The following PCDH15 variants were observed in gnomAD, a reference collection of about 807,000 sequenced individuals.
The protein encoded by PCDH15 is protocadherin-15.
PCDH15 carries 129 observed loss-of-function variants against 178.5 expected under a neutral mutation model. The ratio of observed to expected loss-of-function variants is 0.72; its 90% confidence interval spans 0.63 to 0.84. The LOEUF is 0.84. Ranked by LOEUF, PCDH15 falls within the 40% of genes least tolerant of loss-of-function variation. The pLI, the probability that PCDH15 is intolerant of heterozygous loss-of-function variation, is 0.00. For missense variants in PCDH15, 2,230 were observed against 2,099.9 expected (o/e 1.06, Z -1.21); for synonymous variants, 800 against 732.0 (o/e 1.09, Z -1.50).
At chr10:53,846,351 T>C (rs1029975957) in intron 28 of PCDH15, among the ~76,000 whole-genome samples, 2 of 151,866 alleles carry the variant, frequency 1.3e-5, no homozygotes, top group Admixed American at 1.3e-4. Context: ...TATTTAATTA[T>C]GTCACCTTTA....
intron 3 of PCDH15, among the ~76,000 whole-genome samples, chr10:54,453,350 TG>T (rs1444575034): frequency 6.6e-6 from 1 of 152,130 alleles, no homozygotes; most frequent in Admixed American, 6.6e-5. Flanking sequence ...TCATATCCTT[TG>T]TAGGGACATG....
chr10:55,054,920 T>A (rs1345738106), intron 2 of PCDH15, among the ~76,000 whole-genome samples: 1 of 152,222 alleles, frequency 6.6e-6, no homozygotes, highest in East Asian at 1.9e-4. Flanking sequence ...ATATTACACC[T>A]TTGCTGGATG....
chr10:54,864,196 A>G (rs547917641), intron 3 of PCDH15, among the ~76,000 whole-genome samples: 1 of 152,324 alleles, frequency 6.6e-6, no homozygotes, highest in East Asian at 1.9e-4. Flanking sequence ...AACACATCAG[A>G]AAGAAAAGCC....
chr10:54,895,170 T>A (rs1954525329), intron 3 of PCDH15, among the ~76,000 whole-genome samples: 1 of 152,094 alleles, frequency 6.6e-6, no homozygotes, highest in South Asian at 2.1e-4. Flanking sequence ...CTGTTAAGAG[T>A]AGAACAATGG....
intron 1 of PCDH15, among the ~76,000 whole-genome samples, chr10:54,697,036 T>G (rs576422618): frequency 2.6e-5 from 4 of 152,188 alleles, no homozygotes; most frequent in African/African-American, 9.6e-5. Context: ...TGGCCTCCTG[T>G]GTAGCTGGGA....
chr10:53,942,964 C>A (rs2086202024), intron 23 of PCDH15, among the ~76,000 whole-genome samples: 1 of 152,018 alleles, frequency 6.6e-6, no homozygotes, highest in Non-Finnish European at 1.5e-5. Context: ...TACTACTTAT[C>A]AAAAGTTTAA....
chr10:54,569,710 T>C (rs2089529384), intron 2 of PCDH15, among the ~76,000 whole-genome samples: 2 of 152,096 alleles, frequency 1.3e-5, no homozygotes, highest in Non-Finnish European at 2.9e-5. Flanking sequence ...TTATTTCTAC[T>C]CCCTGAGAAT....
chr10:54,902,305 C>T (rs1057494541), intron 2 of PCDH15, among the ~76,000 whole-genome samples: 1 of 152,148 alleles, frequency 6.6e-6, no homozygotes, highest in South Asian at 2.1e-4. Context: ...TGTGTCCCCA[C>T]CCAAATCTCA....
intron 14 of PCDH15, among the ~76,000 whole-genome samples, chr10:54,151,134 A>G (rs2044485525): frequency 6.6e-6 from 1 of 152,196 alleles, no homozygotes; most frequent in African/African-American, 2.4e-5. Context: ...TAACATATTA[A>G]TAGTTTTTAA....
chr10:55,020,288 G>A (rs1591839290), intron 2 of PCDH15, among the ~76,000 whole-genome samples: 1 of 151,710 alleles, frequency 6.6e-6, no homozygotes, highest in East Asian at 1.9e-4. Context: ...TCTACAAATA[G>A]CTGATGAGGG....
At chr10:54,861,844 T>C (rs537267678) in intron 3 of PCDH15, among the ~76,000 whole-genome samples, 1 of 152,312 alleles carries the variant, frequency 6.6e-6, no homozygotes, top group Non-Finnish European at 1.5e-5. Context: ...ACTTTAAAAA[T>C]ACATAAACAA....
intron 11 of PCDH15, among the ~76,000 whole-genome samples, chr10:54,187,475 TTTTG>T (rs1221813562): frequency 6.6e-6 from 1 of 151,886 alleles, no homozygotes; most frequent in Non-Finnish European, 1.5e-5. Flanking sequence ...AACCTCTAGG[TTTTG>T]TTTGTCAAAT....
intron 2 of PCDH15, among the ~76,000 whole-genome samples, chr10:54,969,837 C>A (rs1364801782): frequency 6.6e-6 from 1 of 152,156 alleles, no homozygotes; most frequent in Non-Finnish European, 1.5e-5. Context: ...AACTTCATTT[C>A]ATTTTGTAGT....
intron 2 of PCDH15, among the ~76,000 whole-genome samples, chr10:55,515,185 C>G (rs1589100303): frequency 6.6e-6 from 1 of 151,728 alleles, no homozygotes; most frequent in African/African-American, 2.4e-5. Context: ...GACGGGGTTT[C>G]ATCATGTTGG....
chr10:54,308,442 T>C (rs2060686837), intron 8 of PCDH15, among the ~76,000 whole-genome samples: 1 of 152,110 alleles, frequency 6.6e-6, no homozygotes, highest in Admixed American at 6.6e-5. Context: ...TTCTTTTTTT[T>C]GCCTCCTTAA....
Position 54,180,482 on chromosome 10 carries a change from G to A in PCDH15, c.1590+2962C>T, listed in dbSNP as rs2133763586. Reference sequence around the variant, plus strand: ...TGCCCAAGTGTCTCTTTCCTTTAAAGTGCTCATTGTCACTTTTGTTTCTGA... The same window carrying A: ...TGCCCAAGTGTCTCTTTCCTTTAAAATGCTCATTGTCACTTTTGTTTCTGA... On this transcript the variant is annotated intron_variant, in intron 13 of 37. Coordinates refer to ENST00000644397, the MANE Select transcript of PCDH15 (RefSeq NM_001384140.1). Among the ~76,000 whole-genome samples the A allele has an allele frequency of 2.0e-5, 3 of 152,264 alleles. No homozygotes were observed. In the East Asian group the frequency reaches 5.8e-4, roughly 29 times the overall value.
intron 2 of PCDH15, among the ~76,000 whole-genome samples, chr10:55,452,690 C>G (rs1230101406): frequency 2.0e-5 from 3 of 151,894 alleles, no homozygotes; most frequent in African/African-American, 7.3e-5. Flanking sequence ...ACTAAACAAC[C>G]AACAAACCAA....
intron 28 of PCDH15, among the ~76,000 whole-genome samples, chr10:53,853,518 C>T (rs1479697181): frequency 1.3e-5 from 2 of 152,010 alleles, no homozygotes; most frequent in Non-Finnish European, 2.9e-5. Context: ...GCAAATCTTA[C>T]ATCTGATAAG....
intron 8 of PCDH15, among the ~76,000 whole-genome samples, chr10:54,267,354 G>A (rs957485760): frequency 4.0e-5 from 6 of 151,604 alleles, no homozygotes; most frequent in Admixed American, 2.0e-4. Context: ...ATTCTCATAA[G>A]AACAAGAACA....
Sources: allele counts gnomAD v4.1 joint callset (sites outside exome capture counted in the v4.1 genomes callset), GRCh38; gene constraint gnomAD v4.1.1; transcripts MANE v1.5; gene names NCBI Gene and HGNC (gene_info 2026-07-23, HGNC 2026-07-21).